Variants in NDUFA12 observed in about 807,000 individuals in gnomAD.
The protein encoded by NDUFA12 is NADH dehydrogenase [ubiquinone] 1 alpha subcomplex subunit 12.
NDUFA12 carries 17 observed loss-of-function variants against 20.3 expected under a neutral mutation model. The observed-to-expected ratio is 0.84, with a 90% CI of 0.57 to 1.26. The LOEUF (loss-of-function observed/expected upper bound fraction) is 1.26. Among genes scored for constraint, NDUFA12 ranks in the 50% most tolerant of loss-of-function variants. The probability of loss-of-function intolerance (pLI) is 0.00; values close to 1 mark genes in which losing one functional copy is unlikely to be tolerated. For missense variants in NDUFA12, 191 were observed against 183.7 expected (o/e 1.04, Z -0.23); for synonymous variants, 72 against 63.6 (o/e 1.13, Z -0.63).
In NDUFA12 at chr12:94,974,030, G is replaced by T. The variant is rs982093945; in HGVS notation, c.258-2410C>A. The stretch of plus-strand genomic sequence containing the variant: ...TCTGTGGCGCAGGCTGGAGTGCAGT[G>T]GTGATATCTTGGCTCACTGCAACCT... On this transcript the variant is annotated intron_variant, in intron 3 of 3. Coordinates refer to ENST00000327772, the MANE Select transcript of NDUFA12 (RefSeq NM_018838.5). Among the ~76,000 whole-genome samples, 41 of 147,648 alleles carry T rather than the reference G, an allele frequency of 2.8e-4. 1 individual carries two copies. Among genetic ancestry groups the T allele is most frequent in the Admixed American group, 1.4e-4 (2 of 14,694 alleles).
At position 94,996,402 on chromosome 12, in the gene NDUFA12, G is replaced by A. The variant is rs185289390; in HGVS notation, c.170-2145C>T. 4.4e-3 allele frequency among the ~76,000 whole-genome samples: 663 copies of A among 150,148 alleles called. 6 individuals carry two copies. Among genetic ancestry groups the A allele is most frequent in the African/African-American group, 0.015 (632 of 40,804 alleles). ...TTGCCCAGGCTGGTCTTGAACTGCT[G>A]GCCTCAACTGATCCTCCCACCTTAG... On this transcript the variant is annotated intron_variant, in intron 2 of 3. Coordinates refer to ENST00000327772, the MANE Select transcript of NDUFA12 (RefSeq NM_018838.5).
At chr12:94,986,486 T>C (rs145674723) in intron 3 of NDUFA12, among the ~76,000 whole-genome samples, 41 of 152,320 alleles carry the variant, frequency 2.7e-4, no homozygotes, top group Non-Finnish European at 4.1e-4. Context: ...TGTGAGGTAA[T>C]TGATTTACTA....
intron 3 of NDUFA12, among the ~76,000 whole-genome samples, chr12:94,975,312 CAA>C (rs1324346603): frequency 6.6e-6 from 1 of 151,846 alleles, no homozygotes; most frequent in Non-Finnish European, 1.5e-5. Flanking sequence ...GAAAACTGGA[CAA>C]AAAACATCAA....
rs984080962 is a variant in NDUFA12 at position 94,994,373 on chromosome 12, G to A, written c.170-116C>T. On this transcript the variant is annotated intron_variant, in intron 2 of 3. Coordinates refer to ENST00000327772, the MANE Select transcript of NDUFA12 (RefSeq NM_018838.5). ...AAAGACTTTTTGTGATCTTATATAA[G>A]AGAGCTATTGGAGGAATAACACCCT... 18 of 761,868 alleles carry A rather than the reference G, an allele frequency of 2.4e-5. No individual in the cohort carries two copies. In the Admixed American group the frequency reaches 2.4e-4, roughly 10 times the overall value. 47.2% of individuals were successfully genotyped at this position (761,868 alleles called of 1,614,324 possible). A position where few individuals can be genotyped will look rare whatever the true frequency, so the allele number is the denominator to read the frequency against.
Position 94,972,068 on chromosome 12 carries a change from GCATGCCACCAC to G in NDUFA12, c.258-459_258-449del, listed in dbSNP as rs565393046. Among the ~76,000 whole-genome samples, 3 of 152,152 alleles carry G rather than the reference GCATGCCACCAC, an allele frequency of 2.0e-5. No individual in the cohort carries two copies. In the East Asian group the frequency reaches 5.8e-4, roughly 29 times the overall value. Reference sequence around the variant, plus strand: ...CTCCTACATAGCTAACACTACAAGAGCATGCCACCACCATGCCTGGCTGACTTTCAGAAGAT... The same window carrying G: ...CTCCTACATAGCTAACACTACAAGAGCATGCCTGGCTGACTTTCAGAAGAT... On this transcript the variant is annotated intron_variant, in intron 3 of 3. Coordinates refer to ENST00000327772, the MANE Select transcript of NDUFA12 (RefSeq NM_018838.5).
In NDUFA12 at chr12:94,980,507, T is replaced by C. The variant is rs567660516; in HGVS notation, c.258-8887A>G. On this transcript the variant is annotated intron_variant, in intron 3 of 3. Transcript: ENST00000327772. Reference sequence around the variant, plus strand: ...CACGATGTTAAGCATCTTAAACAAATTGGCCTTTCAAGGGCAAAACCATTT... The same window carrying C: ...CACGATGTTAAGCATCTTAAACAAACTGGCCTTTCAAGGGCAAAACCATTT... Among the ~76,000 whole-genome samples the C allele has an allele frequency of 4.6e-5, 7 of 152,134 alleles. No individual in the cohort carries two copies. The East Asian group carries it at 9.7e-4, about 21-fold the overall frequency.
At chr12:94,996,006 G>A (rs536117139) in intron 2 of NDUFA12, among the ~76,000 whole-genome samples, 4 of 151,548 alleles carry the variant, frequency 2.6e-5, no homozygotes, top group East Asian at 2.0e-4. Flanking sequence ...TCAGGAGTTC[G>A]AGACCATCCT....
chr12:94,980,389 C>T (rs1420633851), intron 3 of NDUFA12, among the ~76,000 whole-genome samples: 4 of 152,146 alleles, frequency 2.6e-5, no homozygotes, highest in African/African-American at 9.7e-5. Context: ...TGATTCTTCT[C>T]TATCGCCTCC....
intron 3 of NDUFA12, among the ~76,000 whole-genome samples, chr12:94,977,491 C>T (rs1222657571): frequency 3.3e-5 from 5 of 151,516 alleles, no homozygotes; most frequent in Non-Finnish European, 7.4e-5. Flanking sequence ...AACACCCCTC[C>T]GCCCCTGCCC....
intron 2 of NDUFA12, among the ~76,000 whole-genome samples, chr12:94,999,113 A>C (rs541252732): frequency 6.6e-6 from 1 of 152,320 alleles, no homozygotes; most frequent in East Asian, 1.9e-4. Context: ...CCAAAACACT[A>C]TGCTACCGGT....
At chr12:94,981,557 C>A (rs1874240647) in intron 3 of NDUFA12, among the ~76,000 whole-genome samples, 1 of 152,020 alleles carries the variant, frequency 6.6e-6, no homozygotes, top group East Asian at 1.9e-4. Context: ...TGTTGCTGAT[C>A]CCATAAGAGA....
rs560603516 is a variant in NDUFA12 at position 94,983,521 on chromosome 12, C to T, written c.257+10649G>A. Reference sequence around the variant, plus strand: ...AGTAAGTGTGGCAGTGGGTCCTTCCCAAGTCAAACCTTGAGAGCACAGCAG... The same window carrying T: ...AGTAAGTGTGGCAGTGGGTCCTTCCTAAGTCAAACCTTGAGAGCACAGCAG... On this transcript the variant is annotated intron_variant, in intron 3 of 3. Transcript: ENST00000327772. Among the ~76,000 whole-genome samples the T allele has an allele frequency of 3.9e-5, 6 of 152,244 alleles. No individual in the cohort carries two copies. The South Asian group carries it at 1.2e-3, about 32-fold the overall frequency.
At chr12:94,999,250 A>G (rs977746398) in intron 2 of NDUFA12, among the ~76,000 whole-genome samples, 8 of 152,234 alleles carry the variant, frequency 5.3e-5, no homozygotes, top group African/African-American at 1.9e-4. Context: ...ACCCTATTCA[A>G]CAAATGGTGT....
intron 3 of NDUFA12, among the ~76,000 whole-genome samples, chr12:94,992,045 A>T (rs561967917): frequency 1.3e-5 from 2 of 152,194 alleles, no homozygotes; most frequent in Non-Finnish European, 2.9e-5. Context: ...AGCTCTGATG[A>T]TCAAATTCAA....
chr12:94,974,869 G>A (rs370736661), intron 3 of NDUFA12, among the ~76,000 whole-genome samples: 49 of 152,076 alleles, frequency 3.2e-4, no homozygotes, highest in African/African-American at 1.1e-3. Context: ...GGGTTGGTTT[G>A]GGGATTAGGG....
intron 3 of NDUFA12, among the ~76,000 whole-genome samples, chr12:94,984,892 T>C (rs10745712): frequency 0.87 from 131,301 of 151,054 alleles, 57,179 homozygotes; most frequent in Admixed American, 0.9. Flanking sequence ...GCAGGAGAAT[T>C]GCTTGAACCT....
intron 3 of NDUFA12, among the ~76,000 whole-genome samples, chr12:94,983,761 A>C (rs1874318025): frequency 2.7e-5 from 1 of 36,396 alleles, no homozygotes; most frequent in African/African-American, 1.2e-4. Flanking sequence ...GCCATGACTT[A>C]CAACAGCTTC....
Position 95,003,592 on chromosome 12 carries a change from T to A in NDUFA12, c.86+3A>T. The A allele has an allele frequency of 6.2e-7, 1 of 1,613,994 alleles. No homozygotes were observed. On this transcript the variant is annotated splice_donor_region_variant and intron_variant, in intron 1 of 3. Coordinates refer to ENST00000327772, the MANE Select transcript of NDUFA12 (RefSeq NM_018838.5). Reference sequence around the variant, plus strand: ...GGCCAAGAGCATGGCTCTGGCCGCCTACCTGAAAAAAACCCGTAGATAGCC... The same window carrying A: ...GGCCAAGAGCATGGCTCTGGCCGCCAACCTGAAAAAAACCCGTAGATAGCC...
At chr12:94,987,743 G>A (rs1273790239) in intron 3 of NDUFA12, among the ~76,000 whole-genome samples, 12 of 129,772 alleles carry the variant, frequency 9.2e-5, no homozygotes, top group Non-Finnish European at 4.6e-5. Context: ...CGAGGCTGCA[G>A]ACTGTACCAC....
Sources: allele counts gnomAD v4.1 joint callset (sites outside exome capture counted in the v4.1 genomes callset), GRCh38; gene constraint gnomAD v4.1.1; transcripts MANE v1.5; gene names NCBI Gene and HGNC (gene_info 2026-07-23, HGNC 2026-07-21).